Variants in ROBO1 observed in about 807,000 individuals in gnomAD.
ROBO1 encodes the protein roundabout guidance receptor 1, also known as roundabout homolog 1.
In ROBO1, 149 loss-of-function variants were observed where a neutral mutation model predicts 195.9. That is an observed-to-expected ratio of 0.76 (90% CI 0.67 to 0.87). ROBO1 has a LOEUF of 0.87. ROBO1 is among the 40% of genes least tolerant of loss of function. The pLI is 0.00. For synonymous variants in ROBO1, 816 were observed against 733.2 expected (o/e 1.11, Z -1.82); for missense variants, 1,933 against 2,068.3 (o/e 0.93, Z 1.27).
chr3:79,290,244 G>C (rs1037001333), intron 2 of ROBO1, among the ~76,000 whole-genome samples: 1 of 151,986 alleles, frequency 6.6e-6, no homozygotes, highest in Admixed American at 6.6e-5. Context: ...GTGTTGGCCA[G>C]GCTGGTCTCG....
intron 1 of ROBO1, among the ~76,000 whole-genome samples, chr3:79,720,871 C>A (rs1243549232): frequency 6.6e-6 from 1 of 150,958 alleles, no homozygotes; most frequent in Admixed American, 6.6e-5. Context: ...CGGCTCACTG[C>A]AAGCTCCGCC....
intron 1 of ROBO1, among the ~76,000 whole-genome samples, chr3:79,616,865 C>T (rs1206666030): frequency 6.6e-6 from 1 of 152,096 alleles, no homozygotes; most frequent in East Asian, 1.9e-4. Context: ...TGCTCATGTC[C>T]CACTCCATAT....
chr3:78,910,619 AAG>A (rs1236707809), intron 4 of ROBO1, among the ~76,000 whole-genome samples: 4 of 151,970 alleles, frequency 2.6e-5, no homozygotes, highest in Non-Finnish European at 4.4e-5. Context: ...AAATGAGAAA[AAG>A]AGAGAAACGG....
intron 4 of ROBO1, among the ~76,000 whole-genome samples, chr3:78,770,904 A>G (rs200660969): frequency 1.3e-5 from 2 of 151,980 alleles, no homozygotes; most frequent in East Asian, 3.9e-4. Context: ...GTCTCTATAA[A>G]TAATAATAAA....
chr3:78,637,973 G>A (rs1184913511), intron 22 of ROBO1, among the ~76,000 whole-genome samples: 1 of 139,990 alleles, frequency 7.1e-6, no homozygotes, highest in Admixed American at 6.9e-5. Context: ...TGGCAATATT[G>A]GGTTTTTTTT....
At chr3:79,429,076 T>C (rs2107008396) in intron 2 of ROBO1, among the ~76,000 whole-genome samples, 1 of 152,272 alleles carries the variant, frequency 6.6e-6, no homozygotes, top group African/African-American at 2.4e-5. Flanking sequence ...CATAGAAATG[T>C]ACAGCTATAA....
chr3:79,430,684 G>A (rs1417215726), intron 2 of ROBO1, among the ~76,000 whole-genome samples: 2 of 152,086 alleles, frequency 1.3e-5, no homozygotes, highest in Non-Finnish European at 2.9e-5. Flanking sequence ...TTTGTGTATA[G>A]TAACCAATTT....
chr3:78,725,319 TTTTAA>T (rs2082137141), intron 5 of ROBO1, among the ~76,000 whole-genome samples: 1 of 152,188 alleles, frequency 6.6e-6, no homozygotes, highest in South Asian at 2.1e-4. Flanking sequence ...AGATAAAGAA[TTTTAA>T]AGTTTCAAAT....
chr3:78,894,320 A>G (rs2037103722), intron 4 of ROBO1, among the ~76,000 whole-genome samples: 1 of 152,184 alleles, frequency 6.6e-6, no homozygotes, highest in Non-Finnish European at 1.5e-5. Flanking sequence ...TTTTAAATCT[A>G]AAGAAATGAA....
intron 2 of ROBO1, among the ~76,000 whole-genome samples, chr3:79,566,839 T>C (rs938002419): frequency 6.6e-6 from 1 of 152,080 alleles, no homozygotes; most frequent in African/African-American, 2.4e-5. Flanking sequence ...GGTGGGAGTG[T>C]AAATTAGTTC....
chr3:78,617,584 T>C (rs541786829), intron 27 of ROBO1, 51 bp downstream of exon 27: 8 of 1,534,822 alleles, frequency 5.2e-6, no homozygotes, highest in African/African-American at 1.4e-5. Context: ...GCAACAAACA[T>C]ATATACATTG....
chr3:78,685,736 T>C lies in ROBO1; in HGVS notation c.1342+10A>G, dbSNP rs1479602516. 1.9e-6 allele frequency: 3 copies of C among 1,581,392 alleles called. No individual in the cohort carries two copies. The highest frequency in any genetic ancestry group is 2.6e-6 in the Non-Finnish European group (3 of 1,157,686). On this transcript the variant is annotated intron_variant, in intron 10 of 30. Coordinates refer to ENST00000464233, the MANE Select transcript of ROBO1 (RefSeq NM_002941.4). ...TTGGACATTTTGAAATAAAATGTTT[T>C]ACACTTTACCATCTGTAACTTCCAA... is the stretch of plus-strand genomic sequence containing the variant.
chr3:79,043,537 A>G (rs2078528045), intron 3 of ROBO1, among the ~76,000 whole-genome samples: 1 of 152,060 alleles, frequency 6.6e-6, no homozygotes, highest in Admixed American at 6.6e-5. Flanking sequence ...ATATAGAATG[A>G]CATCATATAG....
At chr3:79,652,714 T>G (rs1946047791) in intron 1 of ROBO1, among the ~76,000 whole-genome samples, 3 of 151,992 alleles carry the variant, frequency 2.0e-5, no homozygotes, top group Admixed American at 1.3e-4. Flanking sequence ...GTAGTAGTAG[T>G]GTATTGGAAT....
At chr3:79,707,409 T>A (rs1947806456) in intron 1 of ROBO1, among the ~76,000 whole-genome samples, 1 of 152,166 alleles carries the variant, frequency 6.6e-6, no homozygotes, top group African/African-American at 2.4e-5. Flanking sequence ...TAGCTATACG[T>A]TTATAAATTT....
At chr3:79,435,707 T>C (rs1033355234) in intron 2 of ROBO1, among the ~76,000 whole-genome samples, 2 of 152,168 alleles carry the variant, frequency 1.3e-5, no homozygotes, top group East Asian at 3.9e-4. Flanking sequence ...GTTTAAGACA[T>C]CCATTATAAA....
At chr3:78,703,270 C>A (rs945532886) in intron 8 of ROBO1, among the ~76,000 whole-genome samples, 8 of 152,094 alleles carry the variant, frequency 5.3e-5, no homozygotes, top group Admixed American at 5.2e-4. Flanking sequence ...AATGAAACAG[C>A]ATTAAAAAAC....
intron 1 of ROBO1, among the ~76,000 whole-genome samples, chr3:79,669,842 A>G (rs1383860930): frequency 6.6e-6 from 1 of 151,948 alleles, no homozygotes; most frequent in African/African-American, 2.4e-5. Flanking sequence ...TTTAACTAAA[A>G]GAAGGTTTTT....
intron 4 of ROBO1, among the ~76,000 whole-genome samples, chr3:78,913,156 A>C (rs899626200): frequency 6.6e-6 from 1 of 152,158 alleles, no homozygotes; most frequent in East Asian, 1.9e-4. Flanking sequence ...CATTTCTACG[A>C]TGGAATAAAT....
Sources: allele counts gnomAD v4.1 joint callset (sites outside exome capture counted in the v4.1 genomes callset), GRCh38; gene constraint gnomAD v4.1.1; transcripts MANE v1.5; gene names NCBI Gene and HGNC (gene_info 2026-07-23, HGNC 2026-07-21).